POU2F1: variants seen among roughly 807,000 people sequenced by gnomAD.
The protein encoded by POU2F1 is POU domain, class 2, transcription factor 1.
POU2F1 carries 16 observed loss-of-function variants against 84.9 expected under a neutral mutation model. The ratio of observed to expected loss-of-function variants is 0.19; its 90% CI spans 0.13 to 0.29. The LOEUF (loss-of-function observed/expected upper bound fraction) is 0.29, where lower values mean the gene tolerates loss of function less well. Among genes scored for constraint, POU2F1 ranks in the 10% least tolerant of loss-of-function variants. POU2F1 has a pLI of 1.00. For synonymous variants in POU2F1, 368 were observed against 368.3 expected (o/e 1.00, Z 0.01); for missense variants, 738 against 942.6 (o/e 0.78, Z 2.84).
At chr1:167,317,127 A>G (rs1655963857) in intron 1 of POU2F1, among the ~76,000 whole-genome samples, 1 of 152,158 alleles carries the variant, frequency 6.6e-6, no homozygotes, top group Non-Finnish European at 1.5e-5. Flanking sequence ...TACTGACCTC[A>G]GGTGATCCTC....
At chr1:167,288,524 A>T (rs1178901178) in intron 1 of POU2F1, among the ~76,000 whole-genome samples, 1 of 152,148 alleles carries the variant, frequency 6.6e-6, no homozygotes, top group Non-Finnish European at 1.5e-5. Context: ...CCCCATCTCT[A>T]CAAAAACAGT....
In POU2F1 at chr1:167,417,097, A is replaced by T. The variant is rs1312866736; in HGVS notation, c.*1287A>T. On this transcript the variant is annotated 3_prime_UTR_variant, in exon 16 of 16. Coordinates refer to ENST00000367866, the MANE Select transcript of POU2F1 (RefSeq NM_002697.4). ...CTATTTTCCATTGATAATATATACA[A>T]AAGAGGTGTGATGAGAAGGGTATAA... is the stretch of plus-strand genomic sequence containing the variant. 1 of 152,230 alleles carries T rather than the reference A, an allele frequency of 6.6e-6. No homozygotes were observed. The highest frequency in any genetic ancestry group is 1.5e-5 in the Non-Finnish European group (1 of 68,044). The allele number at this position is 152,230 out of a possible 1,614,324, so 9.4% of individuals were successfully genotyped here. A position where few individuals can be genotyped will look rare whatever the true frequency, so the allele number is the denominator to read the frequency against.
At chr1:167,325,831 G>A (rs1226914126) in intron 1 of POU2F1, among the ~76,000 whole-genome samples, 1 of 150,528 alleles carries the variant, frequency 6.6e-6, no homozygotes, top group African/African-American at 2.5e-5. Flanking sequence ...AGAGGTTGTA[G>A]CAAGCTGAGA....
At chr1:167,359,556 C>T (rs979368622) in intron 2 of POU2F1, among the ~76,000 whole-genome samples, 2 of 152,124 alleles carry the variant, frequency 1.3e-5, no homozygotes, top group African/African-American at 4.8e-5. Flanking sequence ...TGCATATGTA[C>T]CATATTTTCT....
intron 1 of POU2F1, among the ~76,000 whole-genome samples, chr1:167,283,972 G>A (rs934167515): frequency 9.9e-5 from 15 of 152,152 alleles, no homozygotes; most frequent in African/African-American, 3.4e-4. Flanking sequence ...TTCTGTTGGT[G>A]TAGAATTGTG....
intron 1 of POU2F1, among the ~76,000 whole-genome samples, chr1:167,243,503 C>T (rs1650066893): frequency 6.6e-6 from 1 of 151,974 alleles, no homozygotes; most frequent in South Asian, 2.1e-4. Context: ...GAGACGGAGT[C>T]TCGCTCTTGT....
chr1:167,329,307 G>A (rs994806046), intron 1 of POU2F1: 2 of 1,548,620 alleles, frequency 1.3e-6, no homozygotes, highest in Admixed American at 2.0e-5. Context: ...TATGTTCTAG[G>A]TGGGTACCAG....
intron 2 of POU2F1, among the ~76,000 whole-genome samples, chr1:167,336,058 A>G (rs1571322209): frequency 6.6e-6 from 1 of 152,230 alleles, no homozygotes; most frequent in East Asian, 1.9e-4. Context: ...TGCATAAACT[A>G]TATGTAGATA....
At chr1:167,320,034 A>G (rs1184776377) in intron 1 of POU2F1, among the ~76,000 whole-genome samples, 2 of 152,192 alleles carry the variant, frequency 1.3e-5, no homozygotes, top group Non-Finnish European at 2.9e-5. Flanking sequence ...CCTGCAGTCA[A>G]AGGTCCTGGA....
chr1:167,313,726 A>T (rs1655660910), intron 1 of POU2F1, among the ~76,000 whole-genome samples: 1 of 152,220 alleles, frequency 6.6e-6, no homozygotes. Flanking sequence ...ATCCATAAAA[A>T]ATTGATGAAT....
In POU2F1 at chr1:167,331,566, G is replaced by T. The variant is rs567174718; in HGVS notation, c.62-904G>T. Among the ~76,000 whole-genome samples the T allele has an allele frequency of 1.1e-4, 17 of 152,180 alleles. No individual in the cohort carries two copies. In the East Asian group the frequency reaches 3.3e-3, roughly 29 times the overall value. ...GTTTGATCATAAATATTCTAAGTTT[G>T]AGTTTACAGTAGTAGAATAAGAGAT... On this transcript the variant is annotated intron_variant, in intron 1 of 15. Coordinates refer to ENST00000367866, the MANE Select transcript of POU2F1 (RefSeq NM_002697.4).
chr1:167,370,472 T>A (rs956680713), intron 4 of POU2F1, among the ~76,000 whole-genome samples: 4 of 152,198 alleles, frequency 2.6e-5, no homozygotes, highest in African/African-American at 9.7e-5. Flanking sequence ...GTAAAAATGT[T>A]TCTAAGTTAT....
intron 2 of POU2F1, among the ~76,000 whole-genome samples, chr1:167,346,210 G>A (rs1031133756): frequency 2.0e-5 from 3 of 151,944 alleles, no homozygotes; most frequent in African/African-American, 7.3e-5. Flanking sequence ...ATGAAAACCT[G>A]TTTTAACTGA....
At position 167,305,315 on chromosome 1, in the gene POU2F1, G is replaced by T. The variant is rs142604496; in HGVS notation, c.62-27155G>T. Among the ~76,000 whole-genome samples, 26 of 152,038 alleles carry T rather than the reference G, an allele frequency of 1.7e-4. 1 individual carries two copies. The highest frequency in any genetic ancestry group is 4.6e-4 in the African/African-American group (19 of 41,468). On this transcript the variant is annotated intron_variant, in intron 1 of 15. Transcript: ENST00000367866. ...TGATCATCCCACCTCGGCCTCCTTAGTAGCTGGTATTACAGGCATACACCA... is the reference window on the plus strand; with the variant it reads ...TGATCATCCCACCTCGGCCTCCTTATTAGCTGGTATTACAGGCATACACCA...
intron 2 of POU2F1, among the ~76,000 whole-genome samples, chr1:167,350,048 T>C (rs1024512702): frequency 6.6e-6 from 1 of 152,130 alleles, no homozygotes; most frequent in African/African-American, 2.4e-5. Flanking sequence ...TGGAGTAGAT[T>C]AAAAATAAAG....
intron 11 of POU2F1, 44 bp downstream of exon 11, chr1:167,398,177 A>G (rs1347642908): frequency 1.2e-5 from 19 of 1,595,278 alleles, no homozygotes; most frequent in African/African-American, 2.7e-5. Flanking sequence ...TTGTCTGTGT[A>G]GTACTTAACA....
chr1:167,399,612 A>T (rs1649049522), intron 12 of POU2F1, among the ~76,000 whole-genome samples: 1 of 152,090 alleles, frequency 6.6e-6, no homozygotes, highest in South Asian at 2.1e-4. Flanking sequence ...ATGGAGGGTG[A>T]AATCTCGTGT....
chr1:167,304,937 T>A (rs147751098), intron 1 of POU2F1, among the ~76,000 whole-genome samples: 95 of 152,336 alleles, frequency 6.2e-4, no homozygotes, highest in Non-Finnish European at 1.1e-3. Context: ...CAGAAATTAA[T>A]ATAACATTTC....
Position 167,305,660 on chromosome 1 carries a change from A to C in POU2F1, c.62-26810A>C, listed in dbSNP as rs536070414. On this transcript the variant is annotated intron_variant, in intron 1 of 15. Transcript: ENST00000367866. ...ACATTTGATTGCCTAATGCCTTTCT[A>C]TTTTGGGCAGTCATATTTAGGACTT... Among the ~76,000 whole-genome samples, 3 of 152,298 alleles carry C rather than the reference A, an allele frequency of 2.0e-5. No individual in the cohort carries two copies. In the South Asian group the frequency reaches 6.2e-4, roughly 32 times the overall value.
Sources: gnomAD v4.1 joint callset for allele counts (sites outside exome capture counted in the v4.1 genomes callset) on GRCh38, gnomAD v4.1.1 for gene constraint, MANE v1.5 for transcripts, NCBI Gene and HGNC (gene_info 2026-07-23, HGNC 2026-07-21) for gene names.